Variants in INCA1 observed in about 807,000 individuals in gnomAD.
The protein encoded by INCA1 is inhibitor of CDK, cyclin A1 interacting protein 1.
Under a neutral mutation model 25.7 loss-of-function variants are expected in INCA1, and 28 were observed. The ratio of observed to expected loss-of-function variants is 1.09; its 90% confidence interval spans 0.81 to 1.49. The LOEUF (loss-of-function observed/expected upper bound fraction) is 1.49, where lower values mean the gene tolerates loss of function less well. Ranked by LOEUF, INCA1 falls within the 40% of genes most tolerant of loss-of-function variation. INCA1 has a pLI of 0.00. For synonymous variants in INCA1, 111 were observed against 103.6 expected, an observed-to-expected ratio of 1.07 and a Z score of -0.43; for missense variants, 309 against 290.9, an observed-to-expected ratio of 1.06 and a Z score of -0.45.
At chr17:4,996,444 G>T (rs1344508828) in intron 1 of INCA1, among the ~76,000 whole-genome samples, 1 of 151,360 alleles carries the variant, frequency 6.6e-6, no homozygotes, top group Non-Finnish European at 1.5e-5. Context: ...CACTTTGGGA[G>T]GCTGAGGTGG....
chr17:4,988,227 T>G, exon 7 of INCA1: 1 of 566,436 alleles, frequency 1.8e-6, no homozygotes. Context: ...GTGAGAGCGG[T>G]GGGTTGAGAT....
Position 4,994,351 on chromosome 17 carries a change from C to T in INCA1, c.44+43G>A, listed in dbSNP as rs1974081143. On this transcript the variant is annotated intron_variant, in intron 2 of 6. Coordinates refer to ENST00000576820, the Ensembl canonical transcript of INCA1. ...GAAGGACCCAGGCATGCAATATCCC[C>T]TCCATCCCATCCCCATGCTCCCCAC... The T allele has an allele frequency of 3.8e-6, 6 of 1,588,584 alleles. No individual in the cohort carries two copies. The East Asian group carries it at 8.9e-5, about 24-fold the overall frequency.
At chr17:4,988,380 G>C in exon 7 of INCA1, 1 of 1,577,852 alleles carries the variant, frequency 6.3e-7, no homozygotes, top group Non-Finnish European at 8.6e-7. Context: ...GGCACCACTA[G>C]CCTCTCGGCA....
exon 2 of INCA1, chr17:4,994,405 G>C: frequency 6.2e-7 from 1 of 1,613,932 alleles, no homozygotes; most frequent in South Asian, 1.1e-5. Context: ...TGGCAAAGGG[G>C]ATGAGGTTGA....
At chr17:4,988,453 G>T in exon 7 of INCA1, 1 of 1,613,474 alleles carries the variant, frequency 6.2e-7, no homozygotes, top group East Asian at 2.2e-5. Context: ...TGTGAAGGGG[G>T]TTCCTTCTGG....
chr17:4,989,076 A>C, intron 5 of INCA1, 132 bp from the exon 6 acceptor site: 1 of 1,024,968 alleles, frequency 9.8e-7, no homozygotes. Flanking sequence ...TTAACCCTCC[A>C]CTCCCAATTT....
chr17:4,994,763 C>A (rs1974117136), intron 1 of INCA1, among the ~76,000 whole-genome samples: 1 of 131,038 alleles, frequency 7.6e-6, no homozygotes, highest in Admixed American at 8.6e-5. Context: ...GCACTCCAGC[C>A]TGGGGGACAG....
At position 4,990,309 on chromosome 17, in the gene INCA1, C is replaced by T. The variant is rs769493110; in HGVS notation, c.45-44G>A. 7.6e-6 allele frequency: 12 copies of T among 1,573,756 alleles called. No homozygotes were observed. In the Admixed American group the frequency reaches 1.1e-4, roughly 15 times the overall value. ...AGGCTCGGGTCTGGCTCTTCCCTTA[C>T]AGCAGTCTACTCATCCCAAGGATTC... On this transcript the variant is annotated intron_variant, in intron 2 of 6. Transcript: ENST00000576820.
intron 2 of INCA1, among the ~76,000 whole-genome samples, chr17:4,992,412 G>A (rs1973932642): frequency 6.6e-6 from 1 of 150,866 alleles, no homozygotes; most frequent in Non-Finnish European, 1.5e-5. Context: ...CCTCCTGAGT[G>A]CTGGGACTAC....
intron 5 of INCA1, among the ~76,000 whole-genome samples, 163 bp from the exon 6 acceptor site, chr17:4,989,107 G>C (rs1341943026): frequency 2.0e-5 from 3 of 152,174 alleles, no homozygotes; most frequent in Non-Finnish European, 4.4e-5. Flanking sequence ...TCAGACTGAA[G>C]CATATTGTCT....
chr17:4,989,756 A>G, intron 4 of INCA1, 132 bp from the exon 5 acceptor site: 3 of 1,550,432 alleles, frequency 1.9e-6, no homozygotes, highest in Non-Finnish European at 2.7e-6. Flanking sequence ...TGACTGATTC[A>G]TAGAAAGGAA....
At chr17:4,989,003 A>T in intron 5 of INCA1, 59 bp from the exon 6 acceptor site, 1 of 1,521,682 alleles carries the variant, frequency 6.6e-7, no homozygotes, top group Non-Finnish European at 8.9e-7. Context: ...CTGTCTCTCC[A>T]TTCTTCACCT....
At chr17:4,988,652 C>G (rs1407862795) in intron 6 of INCA1, 98 bp from the exon 7 acceptor site, 2 of 1,566,796 alleles carry the variant, frequency 1.3e-6, no homozygotes, top group Non-Finnish European at 1.7e-6. Flanking sequence ...GTCTCTGGTT[C>G]TCACCTACGT....
rs1389785260 is a variant in INCA1 at position 4,989,872 on chromosome 17, G to A, written c.198+18C>T. The stretch of plus-strand genomic sequence containing the variant: ...AATTTTAACAGAGAAATGTTAAACG[G>A]CAGAGGGTCTGTCTTACCAGCATGG... On this transcript the variant is annotated intron_variant, in intron 4 of 6. Transcript: ENST00000576820. 1 of 1,614,206 alleles carries A rather than the reference G, an allele frequency of 6.2e-7. No individual in the cohort carries two copies. Among genetic ancestry groups the A allele is most frequent in the Admixed American group, 1.7e-5 (1 of 60,028 alleles).
At chr17:4,988,247 C>CG in exon 7 of INCA1, 1 of 732,436 alleles carries the variant, frequency 1.4e-6, no homozygotes, top group Non-Finnish European at 2.1e-6. Context: ...TGGGAGCCCA[C>CG]GGGGGCTGTT....
upstream of INCA1, chr17:4,997,519 C>G (rs1475370083): frequency 4.6e-5 from 7 of 152,272 alleles, no homozygotes; most frequent in Non-Finnish European, 1.0e-4. Flanking sequence ...GCGGCGAATT[C>G]TAGAACTCGG....
chr17:4,990,156 G>T, exon 3 of INCA1: 1 of 1,614,168 alleles, frequency 6.2e-7, no homozygotes, highest in Admixed American at 1.7e-5. Flanking sequence ...ACTCACGTGG[G>T]CCTTTGATTA....
chr17:4,990,054 A>G, intron 3 of INCA1, 98 bp downstream of exon 3: 1 of 1,611,624 alleles, frequency 6.2e-7, no homozygotes, highest in Non-Finnish European at 8.5e-7. Context: ...GCCAGTGGGA[A>G]ATTAACCGCA....
intron 2 of INCA1, among the ~76,000 whole-genome samples, chr17:4,993,304 C>G (rs1974001215): frequency 6.6e-6 from 1 of 151,530 alleles, no homozygotes; most frequent in Non-Finnish European, 1.5e-5. Flanking sequence ...CTCAGCCTCC[C>G]GAGTAGCTGG....
Sources: allele counts gnomAD v4.1 joint callset (sites outside exome capture counted in the v4.1 genomes callset), GRCh38; gene constraint gnomAD v4.1.1; transcripts MANE v1.5; gene names NCBI Gene and HGNC (gene_info 2026-07-23, HGNC 2026-07-21).